SLC25A16: variants seen among roughly 807,000 people sequenced by gnomAD.
The protein encoded by SLC25A16 is mitochondrial coenzyme A transporter SLC25A16.
Under a neutral mutation model 41.5 loss-of-function variants are expected in SLC25A16, and 39 were observed. That is an observed-to-expected ratio of 0.94 (90% CI 0.73 to 1.23). The LOEUF is 1.23. Ranked by LOEUF, SLC25A16 falls within the 50% of genes most tolerant of loss-of-function variation. The pLI is 0.00. For missense variants in SLC25A16, 421 were observed against 426.9 expected (o/e 0.99, Z 0.12); for synonymous variants, 146 against 147.8 (o/e 0.99, Z 0.09).
intron 1 of SLC25A16, chr10:68,518,027 G>C (rs1455392509): frequency 6.6e-6 from 1 of 152,090 alleles, no homozygotes; most frequent in African/African-American, 2.4e-5. Context: ...CAGAGACTAA[G>C]GCTGGAGGAT....
chr10:68,496,791 A>C (rs182036117), intron 4 of SLC25A16: 1 of 690,490 alleles, frequency 1.4e-6, no homozygotes, highest in African/African-American at 1.9e-5. Context: ...ATTGTGTTCC[A>C]GAAATAAACA....
At chr10:68,505,756 C>A (rs1372430682) in intron 3 of SLC25A16, among the ~76,000 whole-genome samples, 4 of 151,858 alleles carry the variant, frequency 2.6e-5, no homozygotes, top group African/African-American at 9.7e-5. Context: ...AAATAAAGGC[C>A]GGGCACGGTG....
Position 68,479,817 on chromosome 10 carries a change from C to CAAAAAA in SLC25A16, c.*3609_*3614dup, listed in dbSNP as rs11361421. 1 of 96,302 alleles carries CAAAAAA rather than the reference C, an allele frequency of 1.0e-5. No individual in the cohort carries two copies. Among genetic ancestry groups the CAAAAAA allele is most frequent in the African/African-American group, 4.2e-5 (1 of 24,032 alleles). 6.0% of individuals were successfully genotyped at this position (96,302 alleles called of 1,614,324 possible). On this transcript the variant is annotated 3_prime_UTR_variant, in exon 9 of 9. Coordinates refer to ENST00000609923, the MANE Select transcript of SLC25A16 (RefSeq NM_152707.4). ...TGGGCAACAGAGTGAGGCTCTGTCTCAAAAAAAAAAAAAAAAAAGAAAGAA... is the reference window on the plus strand; with the variant it reads ...TGGGCAACAGAGTGAGGCTCTGTCTCAAAAAAAAAAAAAAAAAAAAAAAAGAAAGAA...
intron 1 of SLC25A16, among the ~76,000 whole-genome samples, chr10:68,521,876 C>T (rs1242466910): frequency 6.6e-6 from 1 of 151,426 alleles, no homozygotes; most frequent in African/African-American, 2.4e-5. Flanking sequence ...GGATTACAGG[C>T]GTGAGCCACC....
intron 8 of SLC25A16, among the ~76,000 whole-genome samples, chr10:68,486,089 G>GT (rs1255099609): frequency 6.6e-6 from 1 of 151,072 alleles, no homozygotes. Flanking sequence ...GTGGTGGCAG[G>GT]TACCTGTAAT....
At chr10:68,511,135 G>A (rs1284577967) in intron 2 of SLC25A16, among the ~76,000 whole-genome samples, 3 of 151,960 alleles carry the variant, frequency 2.0e-5, no homozygotes, top group Non-Finnish European at 4.4e-5. Flanking sequence ...CTACTCGAGA[G>A]GCTGAGGCAG....
rs374200581 is a variant in SLC25A16 at position 68,524,174 on chromosome 10, G to T, written c.130+3072C>A. Among the ~76,000 whole-genome samples the T allele has an allele frequency of 4.6e-5, 7 of 151,742 alleles. No homozygotes were observed. The East Asian group carries it at 1.4e-3, about 30-fold the overall frequency. ...AAATACAAAAAATTAGCCGGGCGTG[G>T]TGGCGGGCGCCTGTAGTCCCAGCTA... On this transcript the variant is annotated intron_variant, in intron 1 of 8. Coordinates refer to ENST00000609923, the MANE Select transcript of SLC25A16 (RefSeq NM_152707.4).
intron 8 of SLC25A16, among the ~76,000 whole-genome samples, chr10:68,486,734 T>C (rs1405590710): frequency 6.6e-6 from 1 of 151,558 alleles, no homozygotes; most frequent in Non-Finnish European, 1.5e-5. Flanking sequence ...GGCAGGCAGA[T>C]CACTTGAGGT....
chr10:68,484,705 C>T (rs2052530917), intron 8 of SLC25A16, among the ~76,000 whole-genome samples: 1 of 152,142 alleles, frequency 6.6e-6, no homozygotes, highest in African/African-American at 2.4e-5. Context: ...CCACCTCAGC[C>T]TCTCAAGTAG....
chr10:68,492,529 G>A (rs1230795655), intron 6 of SLC25A16, among the ~76,000 whole-genome samples: 1 of 152,040 alleles, frequency 6.6e-6, no homozygotes, highest in African/African-American at 2.4e-5. Flanking sequence ...AGCACTTTGG[G>A]AGGCCAAGGC....
chr10:68,518,015 C>G (rs2053188759), intron 1 of SLC25A16: 1 of 151,760 alleles, frequency 6.6e-6, no homozygotes. Flanking sequence ...TGCCTCAGTA[C>G]TCAGAGACTA....
At position 68,527,387 on chromosome 10, in the gene SLC25A16, TC is replaced by T; in HGVS notation, c.-13del. 6.8e-7 allele frequency: 1 copy of T among 1,479,804 alleles called. No homozygotes were observed. The highest frequency in any genetic ancestry group is 8.9e-7 in the Non-Finnish European group (1 of 1,122,880). 91.7% of individuals were successfully genotyped at this position (1,479,804 alleles called of 1,614,324 possible). On this transcript the variant is annotated 5_prime_UTR_variant, in exon 1 of 9. Coordinates refer to ENST00000609923, the MANE Select transcript of SLC25A16 (RefSeq NM_152707.4). ...GTCGCCGCCGCCATCAGGACCAGGGTCGCGTCAGGAGCCTAGGTTGCCAACT... is the reference window on the plus strand; with the variant it reads ...GTCGCCGCCGCCATCAGGACCAGGGTGCGTCAGGAGCCTAGGTTGCCAACT...
At chr10:68,492,139 C>T (rs958432377) in intron 6 of SLC25A16, among the ~76,000 whole-genome samples, 2 of 152,058 alleles carry the variant, frequency 1.3e-5, no homozygotes, top group African/African-American at 4.8e-5. Flanking sequence ...TTAATACTTA[C>T]ACAAAAAAGG....
intron 4 of SLC25A16, among the ~76,000 whole-genome samples, chr10:68,498,831 T>G (rs539788015): frequency 6.7e-4 from 102 of 152,346 alleles, no homozygotes; most frequent in African/African-American, 2.4e-3. Flanking sequence ...ATGTCCAGCC[T>G]CTGCTGTGAT....
At chr10:68,488,442 A>C in intron 7 of SLC25A16, 25 bp downstream of exon 7, 1 of 1,444,508 alleles carries the variant, frequency 6.9e-7, no homozygotes, top group Non-Finnish European at 9.2e-7. Context: ...TAATTTGATT[A>C]AATTAAGTTA....
intron 1 of SLC25A16, among the ~76,000 whole-genome samples, chr10:68,524,616 G>A (rs953808384): frequency 1.3e-5 from 2 of 150,890 alleles, no homozygotes; most frequent in South Asian, 2.1e-4. Context: ...GGTTGAGGCA[G>A]GAGAATCGCT....
At chr10:68,484,442 T>C (rs1232843779) in intron 8 of SLC25A16, among the ~76,000 whole-genome samples, 3 of 149,950 alleles carry the variant, frequency 2.0e-5, no homozygotes, top group African/African-American at 7.5e-5. Flanking sequence ...TTTTTTTTTT[T>C]TAAGAGACAG....
chr10:68,496,535 A>G (rs1345141614), intron 4 of SLC25A16: 3 of 983,944 alleles, frequency 3.0e-6, no homozygotes, highest in Non-Finnish European at 3.6e-6. Context: ...AATGAGACTC[A>G]ATCAAGCTGA....
At chr10:68,504,442 G>A (rs1193646641) in intron 3 of SLC25A16, among the ~76,000 whole-genome samples, 1 of 143,328 alleles carries the variant, frequency 7.0e-6, no homozygotes, top group African/African-American at 2.6e-5. Flanking sequence ...TGTTTTTTTT[G>A]TTTTTTTTTT....
Sources: allele counts gnomAD v4.1 joint callset (sites outside exome capture counted in the v4.1 genomes callset), GRCh38; gene constraint gnomAD v4.1.1; transcripts MANE v1.5; gene names NCBI Gene and HGNC (gene_info 2026-07-23, HGNC 2026-07-21).